Variants in TCF7L2 observed in about 807,000 individuals in gnomAD.
The protein encoded by TCF7L2 is transcription factor 7-like 2.
In TCF7L2, 23 loss-of-function variants were observed where a neutral mutation model predicts 77.9. The ratio of observed to expected loss-of-function variants is 0.30; its 90% CI spans 0.21 to 0.42. The LOEUF is 0.42. TCF7L2 is among the 10% of genes least tolerant of loss of function. TCF7L2 has a pLI of 1.00. For synonymous variants in TCF7L2, 413 were observed against 340.2 expected (o/e 1.21, Z -2.36); for missense variants, 654 against 793.1 (o/e 0.82, Z 2.11).
In TCF7L2 at chr10:113,046,436, A is replaced by G. The variant is rs551739011; in HGVS notation, c.552+6310A>G. Among the ~76,000 whole-genome samples, 11 of 152,256 alleles carry G rather than the reference A, an allele frequency of 7.2e-5. No individual in the cohort carries two copies. In the East Asian group the frequency reaches 2.1e-3, roughly 29 times the overall value. On this transcript the variant is annotated intron_variant, in intron 5 of 13. Transcript: ENST00000627217. ...GTAGACTGTTTCTTTTTGGTACAATATGAACTCTTAAGAGAGTTCTACCTT... is the reference window on the plus strand; with the variant it reads ...GTAGACTGTTTCTTTTTGGTACAATGTGAACTCTTAAGAGAGTTCTACCTT...
intron 4 of TCF7L2, among the ~76,000 whole-genome samples, chr10:113,028,220 G>C (rs554235401): frequency 6.6e-6 from 1 of 152,152 alleles, no homozygotes; most frequent in Non-Finnish European, 1.5e-5. Context: ...GAGGGATTTG[G>C]AAAGAGCCAT....
intron 5 of TCF7L2, among the ~76,000 whole-genome samples, chr10:113,136,095 G>T (rs984467554): frequency 6.6e-6 from 1 of 152,190 alleles, no homozygotes; most frequent in Non-Finnish European, 1.5e-5. Flanking sequence ...CTCTCTCAAG[G>T]CATGTAACCT....
At chr10:113,123,954 A>C (rs2065179650) in intron 5 of TCF7L2, among the ~76,000 whole-genome samples, 1 of 152,198 alleles carries the variant, frequency 6.6e-6, no homozygotes, top group Non-Finnish European at 1.5e-5. Context: ...TGAAAGAGAG[A>C]AGAAGAAAAG....
intron 5 of TCF7L2, chr10:113,129,632 C>T (rs1240449136): frequency 1.8e-5 from 21 of 1,173,216 alleles, no homozygotes; most frequent in East Asian, 6.3e-5. Flanking sequence ...GCAATATGAG[C>T]GACAACTTTG....
chr10:112,990,288 C>T (rs1337676009), intron 4 of TCF7L2, among the ~76,000 whole-genome samples: 1 of 152,128 alleles, frequency 6.6e-6, no homozygotes, highest in Non-Finnish European at 1.5e-5. Flanking sequence ...TAATTATATT[C>T]ATTCAATAAC....
rs2070707377 is a variant in TCF7L2, at chr10:113,151,305, C to T, written c.1001+182C>T. Among the ~76,000 whole-genome samples, 1 of 152,084 alleles carries T rather than the reference C, an allele frequency of 6.6e-6. No homozygotes were observed. Among genetic ancestry groups the T allele is most frequent in the Admixed American group, 6.6e-5 (1 of 15,264 alleles). ...GAGAGAGAGTGCACAGTGGCAGAAT[C>T]TCACTGTACCACCGTGGGTTAGAAC... On this transcript the variant is annotated intron_variant, in intron 9 of 13. Transcript: ENST00000627217. The surrounding 1 kb of genome is among the most constrained non-coding windows in gnomAD (Gnocchi z 5.2).
At chr10:113,114,668 T>G (rs1353184323) in intron 5 of TCF7L2, among the ~76,000 whole-genome samples, 1 of 152,180 alleles carries the variant, frequency 6.6e-6, no homozygotes, top group East Asian at 1.9e-4. Context: ...CCTAACACAT[T>G]TAGTAGTGTT....
At chr10:113,103,443 T>TA (rs1365519485) in intron 5 of TCF7L2, among the ~76,000 whole-genome samples, 1 of 152,042 alleles carries the variant, frequency 6.6e-6, no homozygotes, top group Non-Finnish European at 1.5e-5. Context: ...CCACCCACAG[T>TA]AAAAAATTGC....
rs1027730318 is a variant in TCF7L2, at chr10:112,964,754, G to A, written c.450+130G>A. ...GATGATGATGATGGTGGTGGTGGTG[G>A]TGGTGATGGTGGTGGTGGTGGTGAT... On this transcript the variant is annotated intron_variant, in intron 4 of 13. Transcript: ENST00000627217. 187 of 793,826 alleles carry A rather than the reference G, an allele frequency of 2.4e-4. 2 individuals carry two copies. In the African/African-American group the frequency reaches 3.0e-3, roughly 13 times the overall value. The allele number at this position is 793,826 out of a possible 1,614,324, so 49.2% of individuals were successfully genotyped here. A position where few individuals can be genotyped will look rare whatever the true frequency, so the allele number is the denominator to read the frequency against.
In TCF7L2 at chr10:112,951,645, CCCGCCCGCG is replaced by C. The variant is rs762586956; in HGVS notation, c.381+47_381+55del. ...GCGCCCGGCCCCCGCCCGCTGCCCG[CCCGCCCGCG>C]CCGCCCGCCGGGCCCCGCATGCGGC... On this transcript the variant is annotated intron_variant, in intron 3 of 13. Transcript: ENST00000627217. The C allele has an allele frequency of 2.8e-4, 302 of 1,071,404 alleles. 20 individuals carry two copies. In the East Asian group the frequency reaches 0.021, roughly 75 times the overall value. 66.4% of individuals were successfully genotyped at this position (1,071,404 alleles called of 1,614,324 possible).
intron 3 of TCF7L2, among the ~76,000 whole-genome samples, chr10:112,963,167 C>T (rs938145649): frequency 2.0e-5 from 3 of 152,144 alleles, no homozygotes; most frequent in Admixed American, 6.5e-5. Context: ...GAGCCCACTG[C>T]ATCCTAAAAT....
At chr10:113,025,880 A>AT (rs369613114) in intron 4 of TCF7L2, among the ~76,000 whole-genome samples, 27,141 of 143,460 alleles carry the variant, frequency 0.19, 2,844 homozygotes, top group Middle Eastern at 0.32. Context: ...TTTTAAGTTA[A>AT]TTTTTTTTTT....
In TCF7L2 at chr10:113,013,526, A is replaced by G. The variant is rs2046814488; in HGVS notation, c.451-26499A>G. Among the ~76,000 whole-genome samples, 3 of 152,218 alleles carry G rather than the reference A, an allele frequency of 2.0e-5. No individual in the cohort carries two copies. The South Asian group carries it at 6.2e-4, about 31-fold the overall frequency. On this transcript the variant is annotated intron_variant, in intron 4 of 13. Transcript: ENST00000627217. ...TAAGACATTGGTTTGGCCTAAAAAG[A>G]TGGGATATTTTGAAGTGGGGGCTCA... is the stretch of plus-strand genomic sequence containing the variant.
At chr10:112,976,478 G>C (rs1430312426) in intron 4 of TCF7L2, among the ~76,000 whole-genome samples, 2 of 152,186 alleles carry the variant, frequency 1.3e-5, no homozygotes, top group East Asian at 3.9e-4. Context: ...ACTTCTGAAG[G>C]GCTAAGATTG....
intron 4 of TCF7L2, among the ~76,000 whole-genome samples, chr10:112,965,571 T>A (rs1201259310): frequency 6.6e-6 from 1 of 152,158 alleles, no homozygotes; most frequent in Non-Finnish European, 1.5e-5. Context: ...TTTGTGTTAT[T>A]CCATGACTTC....
At chr10:113,145,280 C>T (rs1023692382) in intron 7 of TCF7L2, among the ~76,000 whole-genome samples, 2 of 152,030 alleles carry the variant, frequency 1.3e-5, no homozygotes, top group Admixed American at 1.3e-4. Flanking sequence ...GGCCAACCCT[C>T]GAATAGTTCT....
chr10:113,160,024 G>T (rs780175408), intron 12 of TCF7L2, 32 bp downstream of exon 14: 1 of 1,599,062 alleles, frequency 6.3e-7, no homozygotes, highest in Non-Finnish European at 8.6e-7. Context: ...CGCTGTGCTG[G>T]TTTGCAGCTG....
chr10:113,090,162 A>C (rs2060227671), intron 5 of TCF7L2, among the ~76,000 whole-genome samples: 1 of 152,258 alleles, frequency 6.6e-6, no homozygotes, highest in Non-Finnish European at 1.5e-5. Flanking sequence ...AGTTCTCTTC[A>C]AATTAATAGT....
intron 8 of TCF7L2, among the ~76,000 whole-genome samples, chr10:113,150,411 T>A (rs1253411604): frequency 6.6e-6 from 1 of 152,146 alleles, no homozygotes; most frequent in African/African-American, 2.4e-5. Flanking sequence ...CTATTTGAAT[T>A]TTCCCTGTCT....
Sources: allele counts gnomAD v4.1 joint callset (sites outside exome capture counted in the v4.1 genomes callset), GRCh38; gene constraint gnomAD v4.1.1; non-coding constraint Gnocchi (gnomAD v3.1); transcripts MANE v1.5; gene names NCBI Gene and HGNC (gene_info 2026-07-23, HGNC 2026-07-21).